The following ADRA1A variants were observed in gnomAD, a reference collection of about 807,000 sequenced individuals.
ADRA1A encodes the protein adrenoceptor alpha 1A.
In ADRA1A, 31 loss-of-function variants were observed where a neutral mutation model predicts 29.6. The ratio of observed to expected loss-of-function variants is 1.05; its 90% CI spans 0.79 to 1.41. ADRA1A has a LOEUF of 1.41. Ranked by LOEUF, ADRA1A falls within the 40% of genes most tolerant of loss-of-function variation. The probability of loss-of-function intolerance (pLI) is 0.00; values close to 1 mark genes in which losing one functional copy is unlikely to be tolerated. For missense variants in ADRA1A, 619 were observed against 601.1 expected (o/e 1.03, Z -0.31); for synonymous variants, 311 against 254.3 (o/e 1.22, Z -2.12).
At position 26,756,458 on chromosome 8, in the gene ADRA1A, G is replaced by A. The variant is rs2130175120; in HGVS notation, c.*301C>T. On this transcript the variant is annotated 3_prime_UTR_variant, in exon 3 of 3. Coordinates refer to the ADRA1A transcript ENST00000380582. ...TTTTAAGAATGAAATGGGGGAGGGA[G>A]GTTGTATGAAACTGATTTACAAAAA... The A allele has an allele frequency of 4.1e-6, 6 of 1,456,728 alleles. No homozygotes were observed. The East Asian group carries it at 1.6e-4, about 40-fold the overall frequency. 90.2% of individuals were successfully genotyped at this position (1,456,728 alleles called of 1,614,324 possible).
intron 2 of ADRA1A, among the ~76,000 whole-genome samples, chr8:26,797,987 C>CTTTTTTTTTTTTTTT (rs35607881): frequency 9.4e-5 from 14 of 148,566 alleles, no homozygotes; most frequent in African/African-American, 3.5e-4. Flanking sequence ...GTAAGTTAGT[C>CTTTTTTTTTTTTTTT]TTTTTTTTTT....
rs556620359 is a variant in ADRA1A at position 26,825,956 on chromosome 8, A to T, written c.883+38131T>A. Among the ~76,000 whole-genome samples the T allele has an allele frequency of 6.6e-6, 1 of 152,366 alleles. No individual in the cohort carries two copies. Among genetic ancestry groups the T allele is most frequent in the South Asian group, 2.1e-4 (1 of 4,830 alleles). ...GCTGGGCACTGGCCATGCCAAAAAC[A>T]CATAAACACATTCTGTCCAGAGAGT... On this transcript the variant is annotated intron_variant, in intron 2 of 2. Coordinates refer to ENST00000380573, the MANE Select transcript of ADRA1A (RefSeq NM_000680.4). The surrounding 1 kb of genome is among the most constrained non-coding windows in gnomAD (Gnocchi z 5.7).
At chr8:26,785,920 C>T (rs61761836) in intron 2 of ADRA1A, among the ~76,000 whole-genome samples, 30 of 152,288 alleles carry the variant, frequency 2.0e-4, no homozygotes, top group Non-Finnish European at 4.1e-4. Flanking sequence ...AGTCTTTCCA[C>T]GTCTCTCCAT....
At chr8:26,830,575 T>C (rs1041367636) in intron 2 of ADRA1A, among the ~76,000 whole-genome samples, 3 of 152,186 alleles carry the variant, frequency 2.0e-5, no homozygotes, top group Non-Finnish European at 4.4e-5. Flanking sequence ...CAAAGACGGT[T>C]TGGCTAGAGA....
At chr8:26,762,551 T>G (rs1396750333), downstream of ADRA1A, among the ~76,000 whole-genome samples, 1 of 152,048 alleles carries the variant, frequency 6.6e-6, no homozygotes, top group African/African-American at 2.4e-5. The surrounding 1 kb of genome is among the most constrained non-coding windows in gnomAD (Gnocchi z 4.0). Flanking sequence ...CTTCTTTCAC[T>G]GTTTGTAAGT....
chr8:26,797,105 G>C (rs879740759), intron 2 of ADRA1A, among the ~76,000 whole-genome samples: 1 of 152,052 alleles, frequency 6.6e-6, no homozygotes, highest in African/African-American at 2.4e-5. Flanking sequence ...AATGATGTGT[G>C]TTATTGTAAC....
Position 26,805,128 on chromosome 8 carries a change from G to A in ADRA1A, c.884-34462C>T, listed in dbSNP as rs1443089465. 6.6e-6 allele frequency among the ~76,000 whole-genome samples: 1 copy of A among 152,162 alleles called. No homozygotes were observed. The highest frequency in any genetic ancestry group is 2.4e-5 in the African/African-American group (1 of 41,438). On this transcript the variant is annotated intron_variant, in intron 2 of 2. Coordinates refer to ENST00000380573, the MANE Select transcript of ADRA1A (RefSeq NM_000680.4). The surrounding 1 kb of genome is among the most constrained non-coding windows in gnomAD (Gnocchi z 4.8). Reference sequence around the variant, plus strand: ...TTGTTTGCATGCTAATTCTAGACTAGGAATCAAATCCTAAAACGTCAGTTA... The same window carrying A: ...TTGTTTGCATGCTAATTCTAGACTAAGAATCAAATCCTAAAACGTCAGTTA...
chr8:26,860,027 A>G lies in ADRA1A; in HGVS notation c.883+4060T>C, dbSNP rs188493285. ...AAGTGATCCGCCTGCTCAGCCTCCC[A>G]AAGTGCTGGGATTAGAGGCATGAGC... On this transcript the variant is annotated intron_variant, in intron 2 of 2. Coordinates refer to ENST00000380573, the MANE Select transcript of ADRA1A (RefSeq NM_000680.4). The surrounding 1 kb of genome is among the most constrained non-coding windows in gnomAD (Gnocchi z 4.7). Among the ~76,000 whole-genome samples the G allele has an allele frequency of 5.8e-3, 882 of 152,154 alleles. 9 individuals are homozygous for G. The highest frequency in any genetic ancestry group is 0.02 in the African/African-American group (846 of 41,492).
chr8:26,857,186 G>T (rs1199595908), intron 2 of ADRA1A, among the ~76,000 whole-genome samples: 1 of 152,142 alleles, frequency 6.6e-6, no homozygotes, highest in Admixed American at 6.5e-5. Flanking sequence ...CATGCTATAA[G>T]AAGGTGGTTT....
intron 2 of ADRA1A, among the ~76,000 whole-genome samples, chr8:26,813,436 C>A (rs932115259): frequency 6.6e-6 from 1 of 152,124 alleles, no homozygotes; most frequent in African/African-American, 2.4e-5. Context: ...TTAATTAAGA[C>A]CCTACTTGCA....
intron 2 of ADRA1A, among the ~76,000 whole-genome samples, chr8:26,816,277 A>C (rs1809747587): frequency 1.3e-5 from 2 of 152,224 alleles, no homozygotes. Flanking sequence ...GAAGGGCATG[A>C]GAAAAACCGT....
At chr8:26,771,649 T>TA (rs1049666448) in intron 2 of ADRA1A, 5 of 152,296 alleles carry the variant, frequency 3.3e-5, no homozygotes, top group African/African-American at 4.8e-5. Flanking sequence ...TTTACAAATT[T>TA]AAAAAATGCT....
downstream of ADRA1A, among the ~76,000 whole-genome samples, chr8:26,754,973 T>C (rs1457951577): frequency 6.6e-6 from 1 of 152,240 alleles, no homozygotes; most frequent in Non-Finnish European, 1.5e-5. Flanking sequence ...TTCTGTTTTT[T>C]CTTTTTGTTG....
At position 26,775,757 on chromosome 8, in the gene ADRA1A, C is replaced by T. The variant is rs140867579; in HGVS notation, c.884-5091G>A. On this transcript the variant is annotated intron_variant, in intron 2 of 2. Coordinates refer to ENST00000380573, the MANE Select transcript of ADRA1A (RefSeq NM_000680.4). The surrounding 1 kb of genome is among the most constrained non-coding windows in gnomAD (Gnocchi z 4.1). Reference sequence around the variant, plus strand: ...GCAGAATTTCTGCCTCTTTCCTGACCCTCTGGACACCCTGACCAACTTACG... The same window carrying T: ...GCAGAATTTCTGCCTCTTTCCTGACTCTCTGGACACCCTGACCAACTTACG... Among the ~76,000 whole-genome samples the T allele has an allele frequency of 2.8e-3, 425 of 152,254 alleles. 8 individuals are homozygous for T. The highest frequency in any genetic ancestry group is 0.023 in the Admixed American group (354 of 15,294).
chr8:26,809,376 C>T (rs975456665), intron 2 of ADRA1A, among the ~76,000 whole-genome samples: 1 of 152,084 alleles, frequency 6.6e-6, no homozygotes, highest in Non-Finnish European at 1.5e-5. Context: ...CTGAAACCAC[C>T]GAGGCCCAAA....
downstream of ADRA1A, among the ~76,000 whole-genome samples, chr8:26,753,564 AC>A (rs2130157716): frequency 6.6e-6 from 1 of 152,296 alleles, no homozygotes; most frequent in South Asian, 2.1e-4. Flanking sequence ...ATACTTATTT[AC>A]TTATTTCCTA....
chr8:26,782,959 C>T (rs1242834694), intron 2 of ADRA1A, among the ~76,000 whole-genome samples: 3 of 152,296 alleles, frequency 2.0e-5, no homozygotes, highest in East Asian at 3.9e-4. Flanking sequence ...TCCACAACAT[C>T]CAATCACCCA....
At chr8:26,788,753 C>G (rs1807591629) in intron 2 of ADRA1A, among the ~76,000 whole-genome samples, 1 of 152,114 alleles carries the variant, frequency 6.6e-6, no homozygotes, top group South Asian at 2.1e-4. Flanking sequence ...GCTTGCCTGG[C>G]TCCAGACCCT....
At chr8:26,768,264 GC>G (rs976494957), downstream of ADRA1A, among the ~76,000 whole-genome samples, 28 of 152,302 alleles carry the variant, frequency 1.8e-4, no homozygotes, top group African/African-American at 6.5e-4. Flanking sequence ...CGCTACTCTT[GC>G]TGTGAAGGTT....
Sources: allele counts gnomAD v4.1 joint callset (sites outside exome capture counted in the v4.1 genomes callset), GRCh38; gene constraint gnomAD v4.1.1; non-coding constraint Gnocchi (gnomAD v3.1); transcripts MANE v1.5; gene names NCBI Gene and HGNC (gene_info 2026-07-23, HGNC 2026-07-21).